The following IRAK3 variants were observed in gnomAD, a reference collection of about 807,000 sequenced individuals.
IRAK3 encodes interleukin 1 receptor associated kinase 3, also known as interleukin-1 receptor-associated kinase 3.
IRAK3 carries 57 observed loss-of-function variants against 56.6 expected under a neutral mutation model. The observed-to-expected ratio is 1.01, with a 90% CI of 0.81 to 1.26. The LOEUF is 1.26. Ranked by LOEUF, IRAK3 falls within the 50% of genes most tolerant of loss-of-function variation. The pLI is 0.00. For missense variants in IRAK3, 703 were observed against 719.0 expected (o/e 0.98, Z 0.25); for synonymous variants, 258 against 255.7 (o/e 1.01, Z -0.09).
chr12:66,192,467 A>G (rs1006546419), intron 1 of IRAK3, among the ~76,000 whole-genome samples: 1 of 152,198 alleles, frequency 6.6e-6, no homozygotes, highest in Non-Finnish European at 1.5e-5. Context: ...ATCTGATTAC[A>G]TTACCATAGA....
At chr12:66,235,636 T>C (rs930315184) in intron 8 of IRAK3, among the ~76,000 whole-genome samples, 3 of 152,084 alleles carry the variant, frequency 2.0e-5, no homozygotes, top group African/African-American at 7.2e-5. Flanking sequence ...TATTATTAAG[T>C]TATGTTTTTA....
chr12:66,217,348 T>G, intron 6 of IRAK3, 113 bp downstream of exon 6: 1 of 814,578 alleles, frequency 1.2e-6, no homozygotes, highest in East Asian at 2.4e-5. Context: ...TTGGGTTGGA[T>G]GTTAGAACTT....
chr12:66,233,348 C>G (rs1333689457), intron 8 of IRAK3, among the ~76,000 whole-genome samples: 1 of 152,276 alleles, frequency 6.6e-6, no homozygotes, highest in East Asian at 1.9e-4. Flanking sequence ...GAAACCCCGT[C>G]TCTACTAAAA....
Position 66,203,777 on chromosome 12 carries a change from G to T in IRAK3, c.200G>T (p.Ser67Ile). The change falls in exon 2 of 12, where the codon AGT (serine) becomes ATT (isoleucine). Residue 67 changes from serine (S) to isoleucine (I), a missense_variant. By Grantham distance (142) the Ser-to-Ile change is moderately radical. Transcript: ENST00000261233. Reference protein sequence around the residue: ...HIEKYVDQGKSGTRELLWSWA... With the variant: ...HIEKYVDQGKIGTRELLWSWA... Reference sequence around the variant, plus strand: ...GAAAAGTATGTAGACCAAGGTAAAAGTGGAACAAGAGAATTACTTTGGTCC... The same window carrying T: ...GAAAAGTATGTAGACCAAGGTAAAATTGGAACAAGAGAATTACTTTGGTCC... 2 of 1,614,004 alleles carry T rather than the reference G, an allele frequency of 1.2e-6. No individual in the cohort carries two copies. Among genetic ancestry groups the T allele is most frequent in the Non-Finnish European group, 1.7e-6 (2 of 1,179,900 alleles).
In IRAK3 at chr12:66,189,348, C is replaced by G; in HGVS notation, c.49C>G (p.Leu17Val). 6.5e-7 allele frequency: 1 copy of G among 1,531,998 alleles called. No homozygotes were observed. The highest frequency in any genetic ancestry group is 8.7e-7 in the Non-Finnish European group (1 of 1,145,468). The allele number at this position is 1,531,998 out of a possible 1,614,324, so 94.9% of individuals were successfully genotyped here. ...ARGALSAHTL[L>V]FDLPPALLGE... ...CGGCGCGCTGTCGGCGCACACGCTG[C>G]TGTTCGACCTGCCGCCCGCGCTGCT... is the stretch of plus-strand genomic sequence containing the variant. Residue 17 changes from leucine to valine, a missense_variant, in exon 1 of 12, where the codon CTG (leucine) becomes GTG (valine). Physicochemically the swap from Leu to Val is conservative, Grantham distance 32. Transcript: ENST00000261233.
At chr12:66,236,395 C>CAAA (rs56074285) in intron 8 of IRAK3, among the ~76,000 whole-genome samples, 7 of 110,374 alleles carry the variant, frequency 6.3e-5, no homozygotes, top group African/African-American at 2.6e-4. Flanking sequence ...CTAAAAATAC[C>CAAA]AAAAAAAAAA....
intron 6 of IRAK3, among the ~76,000 whole-genome samples, chr12:66,223,183 C>T (rs2052752197): frequency 1.3e-5 from 2 of 152,126 alleles, no homozygotes; most frequent in Admixed American, 6.6e-5. Flanking sequence ...AAGGCAGGAA[C>T]ATGCCATTTA....
chr12:66,228,320 C>A lies in IRAK3; in HGVS notation c.837C>A (p.His279Gln). 6.2e-7 allele frequency: 1 copy of A among 1,614,134 alleles called. No individual in the cohort carries two copies. The highest frequency in any genetic ancestry group is 8.5e-7 in the Non-Finnish European group (1 of 1,179,978). Residue 279 changes from histidine (H) to glutamine (Q), a missense_variant, in exon 8 of 12, where the codon CAC becomes CAA. Coordinates refer to ENST00000261233, the MANE Select transcript of IRAK3 (RefSeq NM_007199.3). ...TAATAGGAATATCCAAAGCCATTCACTACCTGCACAACGTTCAACCATGCT... is the reference window on the plus strand; with the variant it reads ...TAATAGGAATATCCAAAGCCATTCAATACCTGCACAACGTTCAACCATGCT... ...GILIGISKAI[H>Q]YLHNVQPCSV...
At chr12:66,234,583 G>C in intron 8 of IRAK3, 2 of 1,611,728 alleles carry the variant, frequency 1.2e-6, no homozygotes, top group Non-Finnish European at 1.7e-6. Flanking sequence ...CATTAGGGAT[G>C]TATTTGTTTG....
Position 66,250,817 on chromosome 12 carries a change from A to T in IRAK3, c.*2646A>T, listed in dbSNP as rs1335561887. ...CAGAATGACTTGGAAAGCTGGTTAA[A>T]AACGCAGATTGCTGGGTCCACCCAG... On this transcript the variant is annotated 3_prime_UTR_variant, in exon 12 of 12. Transcript: ENST00000261233. The T allele has an allele frequency of 6.6e-6, 1 of 152,210 alleles. No individual in the cohort carries two copies. The highest frequency in any genetic ancestry group is 1.5e-5 in the Non-Finnish European group (1 of 68,036). The allele number at this position is 152,210 out of a possible 1,614,324, so 9.4% of individuals were successfully genotyped here.
chr12:66,201,775 G>T (rs1367177636), intron 1 of IRAK3, among the ~76,000 whole-genome samples: 3 of 152,150 alleles, frequency 2.0e-5, no homozygotes, highest in African/African-American at 7.2e-5. Context: ...ATTTTACCCA[G>T]ATATTAGCTT....
intron 7 of IRAK3, 86 bp from the exon 8 acceptor site, chr12:66,228,166 C>T: frequency 4.1e-6 from 4 of 972,550 alleles, no homozygotes; most frequent in Non-Finnish European, 6.7e-6. Context: ...CTATCTACTT[C>T]TATTCTGGTG....
chr12:66,196,904 AT>A lies in IRAK3; in HGVS notation c.134-6806del. The A allele has an allele frequency of 2.6e-6, 4 of 1,527,766 alleles. No homozygotes were observed. In the East Asian group the frequency reaches 9.9e-5, roughly 38 times the overall value. The allele number at this position is 1,527,766 out of a possible 1,614,324, so 94.6% of individuals were successfully genotyped here. A position where few individuals can be genotyped will look rare whatever the true frequency, so the allele number is the denominator to read the frequency against. On this transcript the variant is annotated intron_variant, in intron 1 of 11. Coordinates refer to ENST00000261233, the MANE Select transcript of IRAK3 (RefSeq NM_007199.3). ...GTGTCTAAAAACAAGCTTTGTGAGA[AT>A]GGAGTCTTAATTTTGCAGGGGTTTT...
chr12:66,226,948 A>G (rs2052793272), intron 7 of IRAK3, 111 bp downstream of exon 7: 1 of 733,918 alleles, frequency 1.4e-6, no homozygotes, highest in Non-Finnish European at 2.5e-6. Flanking sequence ...ATGAGGGGAA[A>G]GCCAAGAATG....
rs147817477 is a variant in IRAK3 at position 66,241,056 on chromosome 12, G to A, written c.888-3430G>A. Among the ~76,000 whole-genome samples the A allele has an allele frequency of 9.4e-3, 1,428 of 152,118 alleles. 8 individuals are homozygous for A. The highest frequency in any genetic ancestry group is 0.012 in the Non-Finnish European group (809 of 68,014). On this transcript the variant is annotated intron_variant, in intron 8 of 11. Transcript: ENST00000261233. ...AGAAAGCAATTCTCATTACAAAGTAGCATTTGTTTGGGGGATTCAGGTCCC... is the reference window on the plus strand; with the variant it reads ...AGAAAGCAATTCTCATTACAAAGTAACATTTGTTTGGGGGATTCAGGTCCC...
At chr12:66,198,247 G>A in intron 1 of IRAK3, 1 of 249,742 alleles carries the variant, frequency 4.0e-6, no homozygotes, top group Non-Finnish European at 6.4e-6. Context: ...CTGTCAATCA[G>A]CAAAAATATA....
At chr12:66,214,653 C>A (rs2052649713) in intron 5 of IRAK3, among the ~76,000 whole-genome samples, 1 of 152,106 alleles carries the variant, frequency 6.6e-6, no homozygotes, top group African/African-American at 2.4e-5. Context: ...AACCCGTGTT[C>A]CCAACCCTGA....
intron 1 of IRAK3, among the ~76,000 whole-genome samples, chr12:66,194,175 G>A (rs1337176469): frequency 6.6e-6 from 1 of 152,146 alleles, no homozygotes; most frequent in East Asian, 1.9e-4. Flanking sequence ...CCAAAGTGCT[G>A]GGATTACAGA....
rs1403597449 is a variant in IRAK3 at position 66,254,505 on chromosome 12, T to C, written c.*6334T>C. 3 of 152,170 alleles carry C rather than the reference T, an allele frequency of 2.0e-5. No homozygotes were observed. Among genetic ancestry groups the C allele is most frequent in the African/African-American group, 7.2e-5 (3 of 41,460 alleles). 9.4% of individuals were successfully genotyped at this position (152,170 alleles called of 1,614,324 possible). On this transcript the variant is annotated 3_prime_UTR_variant, in exon 12 of 12. Coordinates refer to ENST00000261233, the MANE Select transcript of IRAK3 (RefSeq NM_007199.3). ...TCACCAAATGTTAAGGATTTTTTTT[T>C]CTGGGCTGTGGTATTTGGGTGATCT...
Sources: gnomAD v4.1 joint callset for allele counts (sites outside exome capture counted in the v4.1 genomes callset) on GRCh38, gnomAD v4.1.1 for gene constraint, MANE v1.5 for transcripts, NCBI Gene and HGNC (gene_info 2026-07-23, HGNC 2026-07-21) for gene names.